Variants in RERE observed in about 807,000 individuals in gnomAD.
RERE encodes the protein arginine-glutamic acid dipeptide repeats protein.
RERE carries 40 observed loss-of-function variants against 146.1 expected under a neutral mutation model. The observed-to-expected ratio is 0.27, with a 90% CI of 0.21 to 0.36. RERE has a LOEUF of 0.36. RERE is among the 10% of genes least tolerant of loss of function. The probability of loss-of-function intolerance (pLI) is 1.00; values close to 1 mark genes in which losing one functional copy is unlikely to be tolerated. For missense variants in RERE, 1,933 were observed against 2,138.7 expected (o/e 0.90, Z 1.90); for synonymous variants, 1,003 against 866.0 (o/e 1.16, Z -2.78).
intron 12 of RERE, among the ~76,000 whole-genome samples, chr1:8,369,578 C>G (rs1190474034): frequency 6.9e-6 from 1 of 145,970 alleles, no homozygotes; most frequent in Non-Finnish European, 1.5e-5. Flanking sequence ...CTGTCCTCCA[C>G]AGCAGTGAAG....
intron 2 of RERE, among the ~76,000 whole-genome samples, chr1:8,624,767 G>A (rs985774787): frequency 1.3e-5 from 2 of 152,104 alleles, no homozygotes; most frequent in African/African-American, 4.8e-5. Flanking sequence ...ACATGTCTTC[G>A]AAAAAGAGAA....
In RERE at chr1:8,356,683, G is replaced by A. The variant is rs1641308147; in HGVS notation, c.4340-437C>T. ...CTGCTCTTCACTCGCAGAACCTAAA[G>A]GAGGCCAGCAGAGTGGGTGGCGCAG... is the stretch of plus-strand genomic sequence containing the variant. On this transcript the variant is annotated intron_variant, in intron 20 of 22. Transcript: ENST00000400908. The surrounding 1 kb of genome is among the most constrained non-coding windows in gnomAD (Gnocchi z 5.2). Among the ~76,000 whole-genome samples, 1 of 152,162 alleles carries A rather than the reference G, an allele frequency of 6.6e-6. No homozygotes were observed. The highest frequency in any genetic ancestry group is 1.5e-5 in the Non-Finnish European group (1 of 68,018).
intron 1 of RERE, among the ~76,000 whole-genome samples, chr1:8,810,459 A>G (rs1395644541): frequency 1.3e-5 from 2 of 152,158 alleles, no homozygotes; most frequent in African/African-American, 2.4e-5. Flanking sequence ...TACAAAAATT[A>G]GCTAGGTGTG....
intron 10 of RERE, among the ~76,000 whole-genome samples, chr1:8,485,485 C>T (rs1205864407): frequency 6.6e-6 from 1 of 151,754 alleles, no homozygotes; most frequent in Non-Finnish European, 1.5e-5. Context: ...CATGAAACAA[C>T]TAAAGAATAC....
At chr1:8,430,035 C>G (rs1644074880) in intron 11 of RERE, 1 of 152,166 alleles carries the variant, frequency 6.6e-6, no homozygotes, top group South Asian at 2.1e-4. Flanking sequence ...AAAAGCCTTT[C>G]CAAACATTTG....
chr1:8,784,713 AC>A (rs1378078040), intron 1 of RERE, among the ~76,000 whole-genome samples: 8 of 152,006 alleles, frequency 5.3e-5, no homozygotes, highest in Admixed American at 4.6e-4. Context: ...ATCCTAAAAG[AC>A]CCCAACTCTA....
chr1:8,682,222 G>A (rs555799001), intron 1 of RERE, among the ~76,000 whole-genome samples: 3 of 152,074 alleles, frequency 2.0e-5, no homozygotes, highest in African/African-American at 4.8e-5. Flanking sequence ...TTATATTATA[G>A]GCTGTCTATA....
chr1:8,409,220 G>A lies in RERE; in HGVS notation c.1284+13507C>T, dbSNP rs138753025. Among the ~76,000 whole-genome samples the A allele has an allele frequency of 1.4e-3, 212 of 152,294 alleles. No homozygotes were observed. In the South Asian group the frequency reaches 0.017, roughly 12 times the overall value. ...GTTTGAGAAGAGGAATGGCCAACCC[G>A]ATTGCTGAGGATTCATGTTTAGCCC... On this transcript the variant is annotated intron_variant, in intron 12 of 22. Coordinates refer to ENST00000400908, the MANE Select transcript of RERE (RefSeq NM_001042681.2).
intron 1 of RERE, among the ~76,000 whole-genome samples, chr1:8,814,575 T>C (rs1026013550): frequency 1.1e-4 from 16 of 152,202 alleles, no homozygotes; most frequent in Non-Finnish European, 1.9e-4. Flanking sequence ...AAATTGCCGA[T>C]TTTAGTGAGA....
At position 8,640,805 on chromosome 1, in the gene RERE, T is replaced by A. The variant is rs997695192; in HGVS notation, c.325+15168A>T. Among the ~76,000 whole-genome samples the A allele has an allele frequency of 4.5e-4, 68 of 152,302 alleles. 1 individual carries two copies. The highest frequency in any genetic ancestry group is 1.5e-3 in the African/African-American group (63 of 41,564). ...TGACTAACTTACCTTCTCCCATCTA[T>A]CTCTGGTACTTACAATACGCATTAT... On this transcript the variant is annotated intron_variant, in intron 2 of 22. Transcript: ENST00000400908.
chr1:8,423,403 C>A lies in RERE; in HGVS notation c.1204-596G>T. ...CCACTCCGAGACACCAGAGAATAAC[C>A]AGCACCCCTTCCGCCCTCCCGACGC... On this transcript the variant is annotated intron_variant, in intron 11 of 22. Transcript: ENST00000400908. This position sits in a 1 kb window ranked among gnomAD's most constrained non-coding sequence, Gnocchi z 5.4. 2 of 330,916 alleles carry A rather than the reference C, an allele frequency of 6.0e-6. No homozygotes were observed. Among genetic ancestry groups the A allele is most frequent in the Non-Finnish European group, 8.7e-6 (2 of 231,190 alleles). The allele number at this position is 330,916 out of a possible 1,614,324, so 20.5% of individuals were successfully genotyped here. A position where few individuals can be genotyped will look rare whatever the true frequency, so the allele number is the denominator to read the frequency against.
At chr1:8,682,472 T>C (rs1570603226) in intron 1 of RERE, among the ~76,000 whole-genome samples, 1 of 152,220 alleles carries the variant, frequency 6.6e-6, no homozygotes, top group South Asian at 2.1e-4. Flanking sequence ...CTGTTGTTGT[T>C]GTATGACATT....
Position 8,656,048 on chromosome 1 carries a change from A to G in RERE, c.250T>C (p.Ser84Pro), listed in dbSNP as rs1410419766. The G allele has an allele frequency of 6.2e-7, 1 of 1,612,950 alleles. No individual in the cohort carries two copies. The highest frequency in any genetic ancestry group is 1.7e-5 in the Admixed American group (1 of 59,924). Reference protein sequence around the residue: ...KNKKKPPKKKSRYERTDTGEI... With the variant: ...KNKKKPPKKKPRYERTDTGEI... Reference sequence around the variant, plus strand: ...CCGGTATCTGTCCTTTCATAACGAGACTTTTTTTTCGGTGGTTTCTTCTTA... The same window carrying G: ...CCGGTATCTGTCCTTTCATAACGAGGCTTTTTTTTCGGTGGTTTCTTCTTA... Residue 84 changes from serine (S) to proline (P), a missense_variant, in exon 2 of 23, where the codon TCT becomes CCT. Physicochemically the swap from Ser to Pro is moderately conservative, Grantham distance 74. Around this residue, in one of 11 missense-constraint regions of RERE, gnomAD observed 107 missense variants for 119.7 expected, o/e 0.89. Transcript: ENST00000400908.
Position 8,358,198 on chromosome 1 carries a change from T to A in RERE, c.4337A>T (p.Gln1446Leu). 6.3e-7 allele frequency: 1 copy of A among 1,589,146 alleles called. No homozygotes were observed. Among genetic ancestry groups the A allele is most frequent in the Non-Finnish European group, 8.6e-7 (1 of 1,161,020 alleles). The change falls in exon 20 of 23, where the codon CAA (glutamine) becomes CTA (leucine). Residue 1446 changes from glutamine to leucine, a missense_variant and splice_region_variant. Physicochemically the swap from Gln to Leu is moderately radical, Grantham distance 113 (BLOSUM62 -2). This residue lies in a region of RERE where 133 missense variants were observed against 168.6 expected (regional missense o/e 0.79). Transcript: ENST00000400908. ...ACCTGCCACGCTGGGGCACGCACCT[T>A]GGTGGAGGGGGTCCTGCTGGTGGAG... is the stretch of plus-strand genomic sequence containing the variant. Reference protein sequence around the residue: ...LHLHQQDPLHQGSAGPVHPLV... With the variant: ...LHLHQQDPLHLGSAGPVHPLV...
intron 7 of RERE, among the ~76,000 whole-genome samples, chr1:8,534,613 A>G (rs1230085270): frequency 6.6e-6 from 1 of 152,160 alleles, no homozygotes; most frequent in African/African-American, 2.4e-5. Flanking sequence ...CTGACCTCAA[A>G]ATGAATAACA....
intron 12 of RERE, among the ~76,000 whole-genome samples, chr1:8,390,172 G>A (rs1029783454): frequency 2.6e-5 from 4 of 152,072 alleles, no homozygotes; most frequent in South Asian, 2.1e-4. Flanking sequence ...AACCAACCAC[G>A]CCACATCTGA....
At position 8,733,029 on chromosome 1, in the gene RERE, G is replaced by GC. The variant is rs991973534; in HGVS notation, c.-144-76589dup. Reference sequence around the variant, plus strand: ...GTAGAGACGGGGTTTCACCGTGTTAGCCAGGATGGTCTCAATCTCCTGACC... The same window carrying GC: ...GTAGAGACGGGGTTTCACCGTGTTAGCCCAGGATGGTCTCAATCTCCTGACC... On this transcript the variant is annotated intron_variant, in intron 1 of 22. Coordinates refer to ENST00000400908, the MANE Select transcript of RERE (RefSeq NM_001042681.2). Among the ~76,000 whole-genome samples the GC allele has an allele frequency of 1.9e-4, 29 of 151,840 alleles. 1 individual carries two copies. The highest frequency in any genetic ancestry group is 7.0e-4 in the African/African-American group (29 of 41,504).
chr1:8,482,539 G>A (rs924113662), intron 10 of RERE, among the ~76,000 whole-genome samples: 11 of 151,668 alleles, frequency 7.3e-5, no homozygotes, highest in East Asian at 1.9e-4. Flanking sequence ...AAAATTAGCC[G>A]GGCGTGGTGG....
At chr1:8,712,433 C>A (rs866813724) in intron 1 of RERE, among the ~76,000 whole-genome samples, 1 of 152,184 alleles carries the variant, frequency 6.6e-6, no homozygotes, top group Non-Finnish European at 1.5e-5. Context: ...ATCTTCAGAG[C>A]AAGCTGACTC....
Sources: gnomAD v4.1 joint callset for allele counts (sites outside exome capture counted in the v4.1 genomes callset) on GRCh38, gnomAD v4.1.1 for gene constraint, gnomAD v4.1.1 regional missense constraint, Gnocchi (gnomAD v3.1) non-coding constraint, MANE v1.5 for transcripts, NCBI Gene and HGNC (gene_info 2026-07-23, HGNC 2026-07-21) for gene names.